Variants in PCDH15 observed in about 807,000 individuals in gnomAD.
PCDH15 encodes the protein protocadherin related 15.
Under a neutral mutation model 178.5 loss-of-function variants are expected in PCDH15, and 129 were observed. That is an observed-to-expected ratio of 0.72 (90% CI 0.63 to 0.84). The LOEUF is 0.84. Among genes scored for constraint, PCDH15 ranks in the 40% least tolerant of loss-of-function variants. The pLI is 0.00. For missense variants in PCDH15, 2,230 were observed against 2,099.9 expected, an observed-to-expected ratio of 1.06 and a Z score of -1.21; for synonymous variants, 800 against 732.0, an observed-to-expected ratio of 1.09 and a Z score of -1.50.
chr10:55,254,249 A>G (rs1841926684), intron 1 of PCDH15, among the ~76,000 whole-genome samples: 1 of 152,222 alleles, frequency 6.6e-6, no homozygotes, highest in Non-Finnish European at 1.5e-5. Flanking sequence ...ATAACATGGT[A>G]CATAATAAGG....
intron 8 of PCDH15, among the ~76,000 whole-genome samples, chr10:54,287,600 T>C (rs941323767): frequency 1.4e-4 from 22 of 152,126 alleles, no homozygotes; most frequent in African/African-American, 5.1e-4. Flanking sequence ...AAACAAAATT[T>C]ATTTTTGCCT....
chr10:54,091,032 G>A (rs2094592473), intron 15 of PCDH15, among the ~76,000 whole-genome samples: 1 of 152,162 alleles, frequency 6.6e-6, no homozygotes, highest in South Asian at 2.1e-4. Context: ...AAAACATATA[G>A]TTTGACTTTG....
intron 20 of PCDH15, among the ~76,000 whole-genome samples, chr10:54,008,305 G>A (rs1006272639): frequency 3.3e-5 from 5 of 152,080 alleles, no homozygotes; most frequent in African/African-American, 1.2e-4. Flanking sequence ...TAAAGCAATT[G>A]ATACAACACG....
At chr10:54,711,129 T>C (rs2095424446) in intron 1 of PCDH15, among the ~76,000 whole-genome samples, 1 of 152,006 alleles carries the variant, frequency 6.6e-6, no homozygotes, top group East Asian at 1.9e-4. Context: ...GGCTGCTTGC[T>C]GTCACAACTC....
rs370390907 is a variant in PCDH15 at position 53,914,287 on chromosome 10, G to A, written c.3374-10917C>T. On this transcript the variant is annotated intron_variant, in intron 25 of 37. Transcript: ENST00000644397. ...GGATATATACCCAAAGGATGATAAA[G>A]CATGCTACTATAAAGACACATGCAC... 2.8e-3 allele frequency among the ~76,000 whole-genome samples: 426 copies of A among 152,222 alleles called. 3 individuals carry two copies. Among genetic ancestry groups the A allele is most frequent in the Non-Finnish European group, 4.7e-3 (322 of 68,012 alleles).
intron 3 of PCDH15, among the ~76,000 whole-genome samples, chr10:54,442,969 A>C (rs371766660): frequency 6.6e-6 from 1 of 151,782 alleles, no homozygotes. Context: ...AAACCCAGAC[A>C]CTACATTTTC....
chr10:53,886,760 C>T (rs1002166454), intron 26 of PCDH15, among the ~76,000 whole-genome samples: 1 of 152,050 alleles, frequency 6.6e-6, no homozygotes, highest in African/African-American at 2.4e-5. Flanking sequence ...TACTTAATCT[C>T]AAAGTGAATA....
chr10:55,557,759 T>A (rs1842118955), intron 2 of PCDH15, among the ~76,000 whole-genome samples: 1 of 151,706 alleles, frequency 6.6e-6, no homozygotes, highest in Non-Finnish European at 1.5e-5. Context: ...GTCAGAAAAA[T>A]TTTCCCCATG....
intron 2 of PCDH15, among the ~76,000 whole-genome samples, chr10:55,521,444 T>C (rs2132165131): frequency 6.6e-6 from 1 of 152,098 alleles, no homozygotes; most frequent in South Asian, 2.1e-4. Flanking sequence ...TGTTTTATGA[T>C]GATGCAAAAG....
rs192554883 is a variant in PCDH15 at position 55,306,283 on chromosome 10, C to T, written c.-156+13316G>A. The stretch of plus-strand genomic sequence containing the variant: ...TCGTTAACTCAGCAAGATTTTAATT[C>T]TAATTTCCTAGAATGAAAACATAAG... On this transcript the variant is annotated intron_variant, in intron 1 of 5. Coordinates refer to the PCDH15 transcript ENST00000458638. 2.2e-4 allele frequency among the ~76,000 whole-genome samples: 34 copies of T among 152,310 alleles called. 1 individual carries two copies. The South Asian group carries it at 7.1e-3, about 32-fold the overall frequency.
intron 2 of PCDH15, among the ~76,000 whole-genome samples, chr10:55,032,349 G>A (rs1239882203): frequency 1.3e-5 from 2 of 152,314 alleles, no homozygotes; most frequent in Admixed American, 6.5e-5. Flanking sequence ...ATATCTCTTA[G>A]TAGAAAATTG....
At chr10:54,046,194 C>A (rs1207442833) in intron 18 of PCDH15, among the ~76,000 whole-genome samples, 1 of 152,180 alleles carries the variant, frequency 6.6e-6, no homozygotes, top group Non-Finnish European at 1.5e-5. Context: ...ACCAAGCACA[C>A]AGACAGGAAC....
chr10:54,294,435 C>T (rs117082339), intron 8 of PCDH15, among the ~76,000 whole-genome samples: 4 of 152,212 alleles, frequency 2.6e-5, no homozygotes, highest in Non-Finnish European at 4.4e-5. Context: ...GCACGTTGTA[C>T]ACATGTACCC....
chr10:53,805,863 C>G lies in PCDH15; in HGVS notation c.*716G>C, dbSNP rs1178386882. 1.3e-5 allele frequency: 2 copies of G among 151,976 alleles called. No individual in the cohort carries two copies. Among genetic ancestry groups the G allele is most frequent in the East Asian group, 1.9e-4 (1 of 5,186 alleles). 9.4% of individuals were successfully genotyped at this position (151,976 alleles called of 1,614,324 possible). ...TTTAACCTCAAGTGATTAAACTAAA[C>G]TAAAGTATCTACCATATTTGATATG... On this transcript the variant is annotated 3_prime_UTR_variant, in exon 38 of 38. Coordinates refer to ENST00000644397, the MANE Select transcript of PCDH15 (RefSeq NM_001384140.1).
intron 2 of PCDH15, among the ~76,000 whole-genome samples, chr10:55,517,115 G>A (rs1384994654): frequency 1.3e-5 from 2 of 151,748 alleles, no homozygotes; most frequent in African/African-American, 4.8e-5. Context: ...TAAATAAAGA[G>A]GTTGAAAAAA....
chr10:54,251,711 T>C (rs1426182579), intron 8 of PCDH15, among the ~76,000 whole-genome samples: 1 of 152,162 alleles, frequency 6.6e-6, no homozygotes, highest in Non-Finnish European at 1.5e-5. Flanking sequence ...CCTACTACCA[T>C]TGTCCTATCA....
At chr10:55,019,892 A>C (rs1043005207) in intron 2 of PCDH15, among the ~76,000 whole-genome samples, 5 of 151,306 alleles carry the variant, frequency 3.3e-5, no homozygotes, top group Admixed American at 1.3e-4. Flanking sequence ...AATAAAAAAA[A>C]CCATAAGACA....
intron 25 of PCDH15, among the ~76,000 whole-genome samples, chr10:53,923,911 T>C (rs554896637): frequency 1.3e-5 from 2 of 152,294 alleles, no homozygotes; most frequent in East Asian, 3.9e-4. Context: ...CTTTCATTTT[T>C]CTCTCTTGAC....
At chr10:53,868,573 T>C (rs1370718744) in intron 26 of PCDH15, among the ~76,000 whole-genome samples, 1 of 151,784 alleles carries the variant, frequency 6.6e-6, no homozygotes, top group African/African-American at 2.4e-5. Flanking sequence ...AATCTAATTT[T>C]AATTTAAGTT....
Sources: allele counts gnomAD v4.1 joint callset (sites outside exome capture counted in the v4.1 genomes callset), GRCh38; gene constraint gnomAD v4.1.1; transcripts MANE v1.5; gene names NCBI Gene and HGNC (gene_info 2026-07-23, HGNC 2026-07-21).